SCHIP1: variants seen among roughly 807,000 people sequenced by gnomAD.
SCHIP1 encodes the protein schwannomin-interacting protein 1.
SCHIP1 carries 8 observed loss-of-function variants against 29.7 expected under a neutral mutation model. The ratio of observed to expected loss-of-function variants is 0.27; its 90% CI spans 0.16 to 0.49. The LOEUF is 0.49. Among genes scored for constraint, SCHIP1 ranks in the 20% least tolerant of loss-of-function variants. The probability of loss-of-function intolerance (pLI) is 0.99; values close to 1 mark genes in which losing one functional copy is unlikely to be tolerated. For missense variants in SCHIP1, 193 were observed against 294.6 expected, an observed-to-expected ratio of 0.66 and a Z score of 2.52; for synonymous variants, 76 against 94.9, an observed-to-expected ratio of 0.80 and a Z score of 1.16.
chr3:159,291,828 T>C, the SCHIP1 span, among the ~76,000 whole-genome samples: 1 of 152,086 alleles, frequency 6.6e-6, no homozygotes, highest in African/African-American at 2.4e-5. Flanking sequence ...GAATGTGTGA[T>C]ATTCTGTGAG....
chr3:159,851,963 A>G (rs960240552), intron 1 of SCHIP1, among the ~76,000 whole-genome samples: 1 of 152,234 alleles, frequency 6.6e-6, no homozygotes, highest in African/African-American at 2.4e-5. Flanking sequence ...GAGGTGGGGC[A>G]ATGAGAATGG....
chr3:159,624,230 C>A, the SCHIP1 span, among the ~76,000 whole-genome samples: 1 of 152,128 alleles, frequency 6.6e-6, no homozygotes, highest in Non-Finnish European at 1.5e-5. Flanking sequence ...GTTCCATATT[C>A]CAGATCAAGA....
At chr3:159,422,753 T>C in the SCHIP1 span, among the ~76,000 whole-genome samples, 1 of 152,236 alleles carries the variant, frequency 6.6e-6, no homozygotes, top group Non-Finnish European at 1.5e-5. Flanking sequence ...ATATATATTC[T>C]GCATTGGATT....
chr3:159,422,186 G>T, the SCHIP1 span, among the ~76,000 whole-genome samples: 1 of 152,168 alleles, frequency 6.6e-6, no homozygotes, highest in Non-Finnish European at 1.5e-5. Context: ...CTAAGCAGAA[G>T]TCTGAGGGTG....
the SCHIP1 span, among the ~76,000 whole-genome samples, chr3:159,296,848 A>G: frequency 5.3e-5 from 8 of 152,182 alleles, no homozygotes; most frequent in Non-Finnish European, 8.8e-5. Flanking sequence ...CATAGTTACT[A>G]TGCTGTACAT....
the SCHIP1 span, among the ~76,000 whole-genome samples, chr3:159,714,897 GGT>G: frequency 1.3e-5 from 2 of 152,202 alleles, no homozygotes; most frequent in African/African-American, 4.8e-5. Context: ...AGAGAGTAGT[GGT>G]TCTCCCATCA....
At chr3:159,280,080 T>A in the SCHIP1 span, among the ~76,000 whole-genome samples, 261 of 152,288 alleles carry the variant, frequency 1.7e-3, 1 homozygote, top group African/African-American at 6.0e-3. Flanking sequence ...TACTGTAATA[T>A]GCATAGCAGT....
chr3:159,478,317 C>A, the SCHIP1 span, among the ~76,000 whole-genome samples: 3 of 152,154 alleles, frequency 2.0e-5, no homozygotes, highest in Non-Finnish European at 2.9e-5. Context: ...GTTTCCCCAA[C>A]ACCATTTGTT....
At chr3:159,687,598 T>G in the SCHIP1 span, among the ~76,000 whole-genome samples, 95 of 152,106 alleles carry the variant, frequency 6.2e-4, no homozygotes, top group Admixed American at 1.2e-3. Context: ...AAACCCTCTC[T>G]TTTTTGTCTA....
At chr3:159,522,657 T>G in the SCHIP1 span, among the ~76,000 whole-genome samples, 1 of 152,100 alleles carries the variant, frequency 6.6e-6, no homozygotes, top group South Asian at 2.1e-4. Flanking sequence ...GATCACATGG[T>G]CAAGAGATTG....
chr3:159,277,669 C>T, the SCHIP1 span, among the ~76,000 whole-genome samples: 1 of 145,384 alleles, frequency 6.9e-6, no homozygotes, highest in Admixed American at 6.9e-5. Context: ...CGACTGTAAC[C>T]CCAGCACTTT....
the SCHIP1 span, among the ~76,000 whole-genome samples, chr3:159,449,654 T>C: frequency 2.0e-5 from 3 of 152,164 alleles, no homozygotes; most frequent in Non-Finnish European, 4.4e-5. Context: ...TAAACCTAAA[T>C]ATTTCATTAT....
the SCHIP1 span, among the ~76,000 whole-genome samples, chr3:159,410,645 G>C: frequency 6.6e-6 from 1 of 152,064 alleles, no homozygotes; most frequent in African/African-American, 2.4e-5. Context: ...GGAGGATATG[G>C]AGAAAAAAGA....
chr3:159,740,771 GAAAAA>G, the SCHIP1 span, among the ~76,000 whole-genome samples: 514 of 104,910 alleles, frequency 4.9e-3, 19 homozygotes, highest in East Asian at 0.12. Context: ...CAAAAAAAAA[GAAAAA>G]AAAAAAAAAA....
chr3:159,473,595 G>A, the SCHIP1 span, among the ~76,000 whole-genome samples: 2 of 146,746 alleles, frequency 1.4e-5, no homozygotes, highest in African/African-American at 2.5e-5. Flanking sequence ...AATGTCTGAT[G>A]CTAAAACCTA....
chr3:159,420,869 G>T, the SCHIP1 span, among the ~76,000 whole-genome samples: 1 of 152,176 alleles, frequency 6.6e-6, no homozygotes, highest in Non-Finnish European at 1.5e-5. Flanking sequence ...GATCACATGA[G>T]CCAGTATTAT....
At chr3:159,384,754 TG>T in the SCHIP1 span, among the ~76,000 whole-genome samples, 4 of 152,112 alleles carry the variant, frequency 2.6e-5, no homozygotes, top group South Asian at 8.3e-4. Flanking sequence ...TCTTTTTGGT[TG>T]GTAAGCTATT....
chr3:159,499,929 A>G, the SCHIP1 span, among the ~76,000 whole-genome samples: 5 of 152,060 alleles, frequency 3.3e-5, no homozygotes, highest in African/African-American at 1.2e-4. Context: ...CACAAGTTCA[A>G]TTACTTGGTC....
chr3:159,394,905 T>A, the SCHIP1 span, among the ~76,000 whole-genome samples: 69 of 152,286 alleles, frequency 4.5e-4, no homozygotes, highest in African/African-American at 1.5e-3. Flanking sequence ...AGTTCCTCCT[T>A]GTACCTCTGG....
Sources: allele counts gnomAD v4.1 joint callset (sites outside exome capture counted in the v4.1 genomes callset), GRCh38; gene constraint gnomAD v4.1.1; transcripts MANE v1.5; gene names NCBI Gene and HGNC (gene_info 2026-07-23, HGNC 2026-07-21).